The following MED13L variants were observed in gnomAD, a reference collection of about 807,000 sequenced individuals.
MED13L encodes mediator complex subunit 13L.
A neutral mutation model predicts 220.9 loss-of-function variants in MED13L; 7 were observed. The observed-to-expected ratio is 0.03, with a 90% CI of 0.02 to 0.06. MED13L has a LOEUF of 0.06. MED13L is among the 10% of genes least tolerant of loss of function. MED13L has a pLI of 1.00. For missense variants in MED13L, 1,965 were observed against 2,760.5 expected, an observed-to-expected ratio of 0.71 and a Z score of 6.46; for synonymous variants, 1,011 against 1,015.2, an observed-to-expected ratio of 1.00 and a Z score of 0.08.
At chr12:116,074,468 C>T (rs553119002) in intron 4 of MED13L, among the ~76,000 whole-genome samples, 91 of 152,260 alleles carry the variant, frequency 6.0e-4, no homozygotes, top group African/African-American at 2.1e-3. Context: ...TAAAAGAATA[C>T]TTTTTCTTTT....
At chr12:116,025,626 A>G (rs894046355) in intron 4 of MED13L, among the ~76,000 whole-genome samples, 1 of 152,222 alleles carries the variant, frequency 6.6e-6, no homozygotes, top group African/African-American at 2.4e-5. Flanking sequence ...GATCAGACAC[A>G]TAAAGACAAA....
intron 4 of MED13L, among the ~76,000 whole-genome samples, chr12:116,062,371 C>T (rs562104775): frequency 6.6e-6 from 1 of 152,138 alleles, no homozygotes; most frequent in East Asian, 1.9e-4. Flanking sequence ...CCAGGCTTGT[C>T]TCGAACACCT....
intron 4 of MED13L, among the ~76,000 whole-genome samples, chr12:116,094,041 G>T (rs565006829): frequency 6.6e-6 from 1 of 152,090 alleles, no homozygotes; most frequent in Non-Finnish European, 1.5e-5. Flanking sequence ...GCAAGTGGAA[G>T]AATAAGATGT....
intron 4 of MED13L, among the ~76,000 whole-genome samples, chr12:116,037,644 C>A (rs1011891696): frequency 2.0e-5 from 3 of 152,068 alleles, no homozygotes; most frequent in African/African-American, 7.2e-5. Flanking sequence ...TTGGGTAGTG[C>A]GTTATAAATT....
At chr12:116,264,631 C>G (rs1260432698) in intron 1 of MED13L, among the ~76,000 whole-genome samples, 1 of 152,172 alleles carries the variant, frequency 6.6e-6, no homozygotes, top group African/African-American at 2.4e-5. Flanking sequence ...TTCATCTTTT[C>G]TAGCACTAAC....
At chr12:116,142,451 G>C (rs527625019) in intron 2 of MED13L, among the ~76,000 whole-genome samples, 1 of 152,272 alleles carries the variant, frequency 6.6e-6, no homozygotes, top group East Asian at 1.9e-4. Flanking sequence ...ATTCTGGGAG[G>C]CCGAAGCAGG....
At chr12:115,989,717 T>C (rs2137299681) in intron 17 of MED13L, among the ~76,000 whole-genome samples, 1 of 152,222 alleles carries the variant, frequency 6.6e-6, no homozygotes, top group South Asian at 2.1e-4. Flanking sequence ...GGTATACAAG[T>C]AACAAATCTG....
At position 115,959,338 on chromosome 12, in the gene MED13L, G is replaced by T. The variant is rs1043047; in HGVS notation, c.*1928C>A. On this transcript the variant is annotated 3_prime_UTR_variant, in exon 31 of 31. Transcript: ENST00000281928. Reference sequence around the variant, plus strand: ...TGTGTTTTTTTTCTTTTTCTGCTTAGAATTGGGTTTCTAGGGAAGAAAAGC... The same window carrying T: ...TGTGTTTTTTTTCTTTTTCTGCTTATAATTGGGTTTCTAGGGAAGAAAAGC... 1.3e-5 allele frequency: 2 copies of T among 149,432 alleles called. No homozygotes were observed. The highest frequency in any genetic ancestry group is 3.0e-5 in the Non-Finnish European group (2 of 67,480). The allele number at this position is 149,432 out of a possible 1,614,324, so 9.3% of individuals were successfully genotyped here. A position where few individuals can be genotyped will look rare whatever the true frequency, so the allele number is the denominator to read the frequency against.
chr12:116,090,555 T>C (rs1468339609), intron 4 of MED13L, among the ~76,000 whole-genome samples: 2 of 152,168 alleles, frequency 1.3e-5, no homozygotes, highest in Non-Finnish European at 2.9e-5. Flanking sequence ...CATACATGGA[T>C]AGGACATGTC....
intron 2 of MED13L, among the ~76,000 whole-genome samples, chr12:116,199,143 TG>T (rs1471367683): frequency 6.6e-6 from 1 of 152,236 alleles, no homozygotes; most frequent in Non-Finnish European, 1.5e-5. Context: ...TAGCCACCTC[TG>T]TGATTCCCTT....
At chr12:116,276,777 G>A in intron 1 of MED13L, 1 of 1,286,764 alleles carries the variant, frequency 7.8e-7, no homozygotes, top group East Asian at 3.3e-5. Context: ...GTGGGCGTTC[G>A]AAGTGCGACC....
intron 2 of MED13L, among the ~76,000 whole-genome samples, chr12:116,208,333 T>A (rs958892386): frequency 6.6e-6 from 1 of 151,812 alleles, no homozygotes; most frequent in African/African-American, 2.4e-5. Context: ...GAGGTGGAGG[T>A]TGCAGTGAGC....
At chr12:116,076,002 C>T in intron 4 of MED13L, among the ~76,000 whole-genome samples, 1 of 151,198 alleles carries the variant, frequency 6.6e-6, no homozygotes, top group Non-Finnish European at 1.5e-5. Context: ...CAAGCTCCGC[C>T]TCCCGGGTTC....
chr12:116,196,703 G>A (rs929401598), intron 2 of MED13L, among the ~76,000 whole-genome samples: 4 of 152,162 alleles, frequency 2.6e-5, no homozygotes, highest in African/African-American at 4.8e-5. Context: ...TAATAATGCT[G>A]ATAATTTAGG....
intron 2 of MED13L, among the ~76,000 whole-genome samples, chr12:116,121,368 A>G (rs993337190): frequency 2.0e-5 from 3 of 152,200 alleles, no homozygotes; most frequent in Admixed American, 2.0e-4. Context: ...AAAAACATAG[A>G]AAAGGTTCAG....
At chr12:116,144,511 C>G (rs2138061548) in intron 2 of MED13L, among the ~76,000 whole-genome samples, 1 of 152,308 alleles carries the variant, frequency 6.6e-6, no homozygotes, top group Non-Finnish European at 1.5e-5. Context: ...AAAATCTTGG[C>G]TCAAAGCATG....
At chr12:116,053,160 T>TA (rs943370638) in intron 4 of MED13L, among the ~76,000 whole-genome samples, 3 of 152,168 alleles carry the variant, frequency 2.0e-5, no homozygotes, top group African/African-American at 7.2e-5. Context: ...TATTAAAAAG[T>TA]AAAAAATTCC....
Position 116,257,411 on chromosome 12 carries a change from T to C in MED13L, c.72+19649A>G, listed in dbSNP as rs145025896. ...CCTTGAAGTATGGCCAGAAGTGTTG[T>C]AGGCAACTTCCTGGAGGTTTCCTTA... On this transcript the variant is annotated intron_variant, in intron 1 of 30. Coordinates refer to ENST00000281928, the MANE Select transcript of MED13L (RefSeq NM_015335.5). 1.4e-3 allele frequency among the ~76,000 whole-genome samples: 214 copies of C among 152,342 alleles called. 1 individual carries two copies. The highest frequency in any genetic ancestry group is 2.2e-3 in the Non-Finnish European group (152 of 68,030).
intron 2 of MED13L, among the ~76,000 whole-genome samples, chr12:116,233,839 G>A (rs548619446): frequency 1.3e-5 from 2 of 152,272 alleles, no homozygotes; most frequent in South Asian, 2.1e-4. Flanking sequence ...CAATTCCCCA[G>A]ACAGGAACCC....
Sources: gnomAD v4.1 joint callset for allele counts (sites outside exome capture counted in the v4.1 genomes callset) on GRCh38, gnomAD v4.1.1 for gene constraint, MANE v1.5 for transcripts, NCBI Gene and HGNC (gene_info 2026-07-23, HGNC 2026-07-21) for gene names.